The following NOX5 variants were observed in gnomAD, a reference collection of about 807,000 sequenced individuals.
NOX5 encodes NADPH oxidase, EF-hand calcium binding domain 5.
In NOX5, 76 loss-of-function variants were observed where a neutral mutation model predicts 85.7. The observed-to-expected ratio is 0.89, with a 90% confidence interval of 0.74 to 1.07. The LOEUF is 1.07. NOX5 is among the 50% of genes least tolerant of loss of function. The pLI is 0.00. For synonymous variants in NOX5, 405 were observed against 401.4 expected (o/e 1.01, Z -0.11); for missense variants, 973 against 999.5 (o/e 0.97, Z 0.36).
chr15:69,047,598 C>T (rs2050692012), intron 12 of NOX5, 61 bp downstream of exon 12: 1 of 1,564,152 alleles, frequency 6.4e-7, no homozygotes, highest in Admixed American at 1.8e-5. Context: ...GCCCTCCCTG[C>T]TCCTCCTCCC....
intron 8 of NOX5, 59 bp from the exon 9 acceptor site, chr15:69,038,798 G>A: frequency 6.2e-7 from 1 of 1,613,642 alleles, no homozygotes; most frequent in Non-Finnish European, 8.5e-7. Context: ...CTCTTGTCCT[G>A]TAGCCCCTGG....
intron 14 of NOX5, 50 bp from the exon 15 acceptor site, chr15:69,055,284 C>G (rs1256744831): frequency 1.3e-5 from 20 of 1,581,728 alleles, no homozygotes; most frequent in Non-Finnish European, 1.5e-5. Flanking sequence ...TGCCCTGCGC[C>G]CATGATGGGT....
chr15:69,014,805 A>G lies in NOX5; in HGVS notation c.50+20A>G. ...TAGAGGGTGAGTGGCTCATTTGTCC[A>G]GCTTTCCATGCCAGGGACAAGGGAA... is the stretch of plus-strand genomic sequence containing the variant. On this transcript the variant is annotated intron_variant, in intron 1 of 15. Transcript: ENST00000388866. 6.6e-7 allele frequency: 1 copy of G among 1,512,320 alleles called. No individual in the cohort carries two copies. The highest frequency in any genetic ancestry group is 9.0e-7 in the Non-Finnish European group (1 of 1,112,066). 93.7% of individuals were successfully genotyped at this position (1,512,320 alleles called of 1,614,324 possible). A position where few individuals can be genotyped will look rare whatever the true frequency, so the allele number is the denominator to read the frequency against.
rs1456223706 is a variant in NOX5, at chr15:69,047,538, G to A, written c.1817+1G>A. ...CCATTCTGCAGAGTATCATGTACAG[G>A]TGGGTGAACAGTGTGCTCCTGCCTG... On this transcript the variant is annotated splice_donor_variant, in intron 12 of 15. Transcript: ENST00000388866. LOFTEE classifies it high-confidence loss of function. The A allele has an allele frequency of 1.2e-6, 2 of 1,613,400 alleles. No individual in the cohort carries two copies. Among genetic ancestry groups the A allele is most frequent in the South Asian group, 1.1e-5 (1 of 90,974 alleles).
At chr15:69,018,217 G>C (rs540356813) in intron 1 of NOX5, among the ~76,000 whole-genome samples, 1 of 152,120 alleles carries the variant, frequency 6.6e-6, no homozygotes, top group South Asian at 2.1e-4. Flanking sequence ...GGATTCCTAG[G>C]GATTGGCAGG....
chr15:69,046,697 GT>G, intron 10 of NOX5, 124 bp from the exon 11 acceptor site: 1 of 836,104 alleles, frequency 1.2e-6, no homozygotes, highest in Non-Finnish European at 1.9e-6. Flanking sequence ...TCCCTGAATG[GT>G]TTGGGCAGAA....
chr15:69,056,662 A>C lies in NOX5; in HGVS notation c.2264A>C (p.Lys755Thr). The C allele has an allele frequency of 6.2e-7, 1 of 1,613,864 alleles. No homozygotes were observed. The change falls in exon 16 of 16, where the codon AAG becomes ACG. Residue 755 changes from lysine (K) to threonine (T), a missense_variant. Coordinates refer to ENST00000388866, the MANE Select transcript of NOX5 (RefSeq NM_024505.4). Reference sequence around the variant, plus strand: ...AAGGTGCTGAAGGGCCATTGTGAGAAGTTCGGCTTCAGATTTTTCCAAGAG... The same window carrying C: ...AAGGTGCTGAAGGGCCATTGTGAGACGTTCGGCTTCAGATTTTTCCAAGAG... The part of the protein sequence containing the change: ...LAKVLKGHCE[K>T]FGFRFFQENF
At chr15:69,022,841 C>A in intron 1 of NOX5, 1 of 318,386 alleles carries the variant, frequency 3.1e-6, no homozygotes. Flanking sequence ...TCATCTTGTT[C>A]CTGGATGAGC....
At chr15:69,031,258 A>G (rs2050424822) in intron 3 of NOX5, 1 of 525,858 alleles carries the variant, frequency 1.9e-6, no homozygotes, top group Admixed American at 3.5e-5. Context: ...AAGCAGGTGT[A>G]TTTTCTGGGC....
chr15:69,018,770 G>A (rs1303361345), intron 1 of NOX5, among the ~76,000 whole-genome samples: 1 of 152,158 alleles, frequency 6.6e-6, no homozygotes, highest in South Asian at 2.1e-4. Context: ...AGCTGCCCTG[G>A]GGAGCCACAT....
In NOX5 at chr15:69,033,243, G is replaced by T; in HGVS notation, c.821G>T (p.Gly274Val). The T allele has an allele frequency of 6.3e-7, 1 of 1,597,236 alleles. No homozygotes were observed. Reference sequence around the variant, plus strand: ...AGCGTCATGGTGGCCAAGGGCTGCGGCCAGTGCCTCAACTTCGACTGCAGC... The same window carrying T: ...AGCGTCATGGTGGCCAAGGGCTGCGTCCAGTGCCTCAACTTCGACTGCAGC... ...GASVMVAKGC[G>V]QCLNFDCSFI... is the part of the protein sequence containing the mutation. The change falls in exon 5 of 16, where the codon GGC (glycine) becomes GTC (valine). Residue 274 changes from glycine (G) to valine (V), a missense_variant. Physicochemically the swap from Gly to Val is moderately radical, Grantham distance 109. Coordinates refer to ENST00000388866, the MANE Select transcript of NOX5 (RefSeq NM_024505.4).
intron 5 of NOX5, 46 bp downstream of exon 5, chr15:69,033,323 C>G: frequency 6.4e-7 from 1 of 1,565,280 alleles, no homozygotes; most frequent in Non-Finnish European, 8.6e-7. Flanking sequence ...TAATTAGGAG[C>G]CGAGGTGGGC....
chr15:69,024,408 G>A lies in NOX5; in HGVS notation c.51-2120G>A, dbSNP rs1352419205. Among the ~76,000 whole-genome samples the A allele has an allele frequency of 2.6e-5, 4 of 152,054 alleles. No individual in the cohort carries two copies. In the East Asian group the frequency reaches 7.7e-4, roughly 29 times the overall value. On this transcript the variant is annotated intron_variant, in intron 1 of 15. Coordinates refer to ENST00000388866, the MANE Select transcript of NOX5 (RefSeq NM_024505.4). ...AGGTTTTAAATTGCAGCCATTCTGA[G>A]TAGCCTGATGAAATCTTGAGCCTTT...
intron 4 of NOX5, among the ~76,000 whole-genome samples, 163 bp from the exon 5 acceptor site, chr15:69,032,880 G>A: frequency 6.6e-6 from 1 of 152,202 alleles, no homozygotes; most frequent in Non-Finnish European, 1.5e-5. Context: ...GCGGAGCTGT[G>A]CGACTGTGAC....
chr15:69,051,233 T>C (rs554986337), intron 14 of NOX5, among the ~76,000 whole-genome samples: 2 of 152,280 alleles, frequency 1.3e-5, no homozygotes, highest in East Asian at 3.9e-4. Context: ...GCGGGGCTGT[T>C]GTAGGGCTTA....
chr15:69,042,599 A>G lies in NOX5; in HGVS notation c.1505-64A>G, dbSNP rs1454785609. 3 of 1,540,654 alleles carry G rather than the reference A, an allele frequency of 1.9e-6. No individual in the cohort carries two copies. The East Asian group carries it at 6.8e-5, about 35-fold the overall frequency. On this transcript the variant is annotated intron_variant, in intron 9 of 15. Transcript: ENST00000388866. ...CAGCAGCAATCCCTCCAGTGGGGTG[A>G]GGCTTGCTCCCTGGTGCCGGTCACT...
At chr15:69,041,231 C>T (rs906522351) in intron 9 of NOX5, among the ~76,000 whole-genome samples, 3 of 152,148 alleles carry the variant, frequency 2.0e-5, no homozygotes, top group African/African-American at 4.8e-5. Context: ...GCACTTCAAG[C>T]GACTTGGGAT....
At chr15:69,022,660 C>G (rs1201330854) in intron 1 of NOX5, 1 of 188,416 alleles carries the variant, frequency 5.3e-6, no homozygotes, top group Non-Finnish European at 1.1e-5. Context: ...TCTTCAGCTT[C>G]CAACAACTGT....
chr15:69,016,513 C>A (rs940147899), intron 1 of NOX5, among the ~76,000 whole-genome samples: 1 of 152,154 alleles, frequency 6.6e-6, no homozygotes, highest in African/African-American at 2.4e-5. Context: ...CTGGCTCTGC[C>A]CCAAGTCAAT....
Sources: allele counts gnomAD v4.1 joint callset (sites outside exome capture counted in the v4.1 genomes callset), GRCh38; gene constraint gnomAD v4.1.1; transcripts MANE v1.5; gene names NCBI Gene and HGNC (gene_info 2026-07-23, HGNC 2026-07-21).